ACKR2: variants seen among roughly 807,000 people sequenced by gnomAD.
ACKR2 encodes the protein atypical chemokine receptor 2, also known as C-C chemokine receptor D6.
For missense variants in ACKR2, 457 were observed against 477.3 expected (o/e 0.96, Z 0.40); for synonymous variants, 207 against 192.2 (o/e 1.08, Z -0.64).
intron 2 of ACKR2, among the ~76,000 whole-genome samples, chr3:42,828,092 A>ATATATATATTTTTTTTTTTTTTTTT (rs1193533555): frequency 8.2e-6 from 1 of 121,902 alleles, no homozygotes; most frequent in African/African-American, 3.2e-5. Flanking sequence ...ATATATATAT[A>ATATATATATTTTTTTTTTTTTTTTT]TTTTTTTTTT....
chr3:42,817,980 C>T (rs910036429), intron 1 of ACKR2, among the ~76,000 whole-genome samples: 2 of 152,134 alleles, frequency 1.3e-5, no homozygotes, highest in African/African-American at 4.8e-5. Flanking sequence ...TCTGTGCTCT[C>T]TTTCCTTCTT....
intron 2 of ACKR2, among the ~76,000 whole-genome samples, chr3:42,841,358 G>A (rs2125613704): frequency 6.6e-6 from 1 of 152,316 alleles, no homozygotes; most frequent in Non-Finnish European, 1.5e-5. Flanking sequence ...ACATTCCAAT[G>A]AAAGAAAATA....
At chr3:42,828,092 A>ATTTTTTTTTT (rs71072742) in intron 2 of ACKR2, among the ~76,000 whole-genome samples, 1 of 121,902 alleles carries the variant, frequency 8.2e-6, no homozygotes, top group African/African-American at 3.2e-5. Context: ...ATATATATAT[A>ATTTTTTTTTT]TTTTTTTTTT....
Position 42,865,601 on chromosome 3 carries a change from G to A in ACKR2, c.1099G>A (p.Glu367Lys), listed in dbSNP as rs747598476. ...AATGACTGGCATGAATGACCTTGGA[G>A]AGAGGCAGTCTGAGAACTACCCTAA... ...EEMTGMNDLG[E>K]RQSENYPNKE... Residue 367 changes from glutamate (E) to lysine (K), a missense_variant, in exon 3 of 3, where the codon GAG becomes AAG. Glu to Lys is a moderately conservative substitution (Grantham distance 56, BLOSUM62 1). Transcript: ENST00000422265. 46 of 1,613,964 alleles carry A rather than the reference G, an allele frequency of 2.9e-5. 1 individual carries two copies. The highest frequency in any genetic ancestry group is 3.8e-5 in the Non-Finnish European group (45 of 1,180,024).
In ACKR2 at chr3:42,865,653, C is replaced by T; in HGVS notation, c.1151C>T (p.Ala384Val). 6.2e-7 allele frequency: 1 copy of T among 1,601,446 alleles called. No homozygotes were observed. The highest frequency in any genetic ancestry group is 8.5e-7 in the Non-Finnish European group (1 of 1,173,326). The change falls in exon 3 of 3, where the codon GCC (alanine) becomes GTC (valine). Residue 384 changes from alanine (A) to valine (V), a missense_variant. Transcript: ENST00000422265. ...AAGGAGGATGTGGGGAATAAATCAG[C>T]CTGAGTGACCAAATTTTGGTCTGGT... ...PNKEDVGNKSA is the reference protein window; with the variant it reads ...PNKEDVGNKSV
intron 2 of ACKR2, among the ~76,000 whole-genome samples, chr3:42,854,677 C>T (rs2088291870): frequency 6.6e-6 from 1 of 152,096 alleles, no homozygotes; most frequent in African/African-American, 2.4e-5. Flanking sequence ...GAGAAAATTA[C>T]ATGTTAGTGT....
Position 42,865,156 on chromosome 3 carries a change from G to A in ACKR2, c.654G>A (p.Gly218=), listed in dbSNP as rs2088422855. 6.2e-7 allele frequency: 1 copy of A among 1,614,074 alleles called. No individual in the cohort carries two copies. The part of the protein sequence containing the change: ...LFLRFQQNLL[G]FLLPLLAMIF... ...TCCGCTTCCAGCAGAACCTCCTAGGGTTTCTCCTTCCACTCCTTGCCATGA... is the reference window on the plus strand; with the variant it reads ...TCCGCTTCCAGCAGAACCTCCTAGGATTTCTCCTTCCACTCCTTGCCATGA... The change falls in exon 3 of 3, where the codon GGG becomes GGA. Residue 218 remains glycine (G), a synonymous_variant. Transcript: ENST00000422265.
At chr3:42,855,288 C>T (rs1375202574) in intron 2 of ACKR2, among the ~76,000 whole-genome samples, 2 of 152,116 alleles carry the variant, frequency 1.3e-5, no homozygotes, top group African/African-American at 4.8e-5. Flanking sequence ...TCAGATGCAA[C>T]TTGACTAGTG....
At chr3:42,835,830 T>C (rs1256164602) in intron 2 of ACKR2, 1 of 152,250 alleles carries the variant, frequency 6.6e-6, no homozygotes, top group Non-Finnish European at 1.5e-5. Context: ...GCTTCCTGAT[T>C]CTGCGTATTC....
At chr3:42,822,235 CTTT>C (rs1476116462) in intron 2 of ACKR2, among the ~76,000 whole-genome samples, 1 of 151,538 alleles carries the variant, frequency 6.6e-6, no homozygotes, top group East Asian at 1.9e-4. Context: ...GTAATGGTGG[CTTT>C]ATCTGAACAG....
intron 2 of ACKR2, among the ~76,000 whole-genome samples, chr3:42,820,594 A>C (rs1700799655): frequency 6.9e-6 from 1 of 145,194 alleles, no homozygotes; most frequent in Non-Finnish European, 1.5e-5. Context: ...CTCTGTCTCA[A>C]AAAAAAAAAA....
At chr3:42,822,804 A>T (rs1398030790) in intron 2 of ACKR2, among the ~76,000 whole-genome samples, 1 of 119,744 alleles carries the variant, frequency 8.4e-6, no homozygotes, top group Non-Finnish European at 1.7e-5. Flanking sequence ...ACAGAGCAAG[A>T]CTCCAGCTCA....
intron 1 of ACKR2, among the ~76,000 whole-genome samples, chr3:42,817,199 A>C (rs977694643): frequency 6.6e-6 from 1 of 152,156 alleles, no homozygotes; most frequent in Non-Finnish European, 1.5e-5. Flanking sequence ...TCCTCTCACC[A>C]AACCAGGCCC....
chr3:42,851,857 G>A (rs1701164034), intron 2 of ACKR2, among the ~76,000 whole-genome samples: 1 of 152,128 alleles, frequency 6.6e-6, no homozygotes, highest in South Asian at 2.1e-4. Flanking sequence ...CAGCTCTGTG[G>A]TCTCTTCTTT....
At position 42,863,172 on chromosome 3, in the gene ACKR2, C is replaced by A. The variant is rs529674786; in HGVS notation, c.-37-1294C>A. 8.3e-4 allele frequency among the ~76,000 whole-genome samples: 127 copies of A among 152,104 alleles called. 2 individuals are homozygous for A. The highest frequency in any genetic ancestry group is 3.0e-3 in the African/African-American group (123 of 41,488). On this transcript the variant is annotated intron_variant, in intron 2 of 2. Coordinates refer to ENST00000422265, the MANE Select transcript of ACKR2 (RefSeq NM_001296.5). ...AAACAAATTTACAAGAAGAAAACAA[C>A]CCCATCAAAAAGTGGGTGAAGGATA... is the stretch of plus-strand genomic sequence containing the variant.
chr3:42,840,712 G>C (rs1701028519), intron 2 of ACKR2, among the ~76,000 whole-genome samples: 1 of 152,138 alleles, frequency 6.6e-6, no homozygotes, highest in African/African-American at 2.4e-5. Context: ...TGTTGAGACG[G>C]AGTCTCGCTC....
intron 1 of ACKR2, among the ~76,000 whole-genome samples, chr3:42,816,200 G>A (rs1024525168): frequency 6.7e-6 from 1 of 150,096 alleles, no homozygotes; most frequent in Admixed American, 6.6e-5. Flanking sequence ...GTGTGTGTGT[G>A]TGTGTGTGTG....
chr3:42,840,508 G>A (rs955538918), intron 2 of ACKR2, among the ~76,000 whole-genome samples: 3 of 152,114 alleles, frequency 2.0e-5, no homozygotes, highest in Admixed American at 1.3e-4. Context: ...CTTTACTCAG[G>A]TGCTAAATGC....
chr3:42,843,321 C>A (rs115075609), intron 2 of ACKR2, among the ~76,000 whole-genome samples: 4 of 152,066 alleles, frequency 2.6e-5, no homozygotes, highest in South Asian at 2.1e-4. Flanking sequence ...TCTGCCCCCC[C>A]AGCCTCCCAA....
Sources: allele counts gnomAD v4.1 joint callset (sites outside exome capture counted in the v4.1 genomes callset), GRCh38; gene constraint gnomAD v4.1.1; transcripts MANE v1.5; gene names NCBI Gene and HGNC (gene_info 2026-07-23, HGNC 2026-07-21).